The following XYLT1 variants were observed in gnomAD, a reference collection of about 807,000 sequenced individuals.
XYLT1 encodes beta-D-xylosyltransferase 1.
Under a neutral mutation model 91.3 loss-of-function variants are expected in XYLT1, and 36 were observed. The ratio of observed to expected loss-of-function variants is 0.39; its 90% CI spans 0.30 to 0.52. The LOEUF is 0.52. Among genes scored for constraint, XYLT1 ranks in the 20% least tolerant of loss-of-function variants. The pLI is 0.68. For missense variants in XYLT1, 1,242 were observed against 1,284.5 expected, an observed-to-expected ratio of 0.97 and a Z score of 0.51; for synonymous variants, 588 against 532.0, an observed-to-expected ratio of 1.11 and a Z score of -1.45.
At chr16:17,408,587 G>T (rs1005376764) in intron 1 of XYLT1, among the ~76,000 whole-genome samples, 2 of 152,172 alleles carry the variant, frequency 1.3e-5, no homozygotes, top group Non-Finnish European at 2.9e-5. Flanking sequence ...GGCTTAGGCC[G>T]ATAATCCCAG....
intron 3 of XYLT1, among the ~76,000 whole-genome samples, chr16:17,226,286 A>AG (rs2033065103): frequency 5.3e-5 from 8 of 152,214 alleles, no homozygotes; most frequent in Admixed American, 3.9e-4. Flanking sequence ...TTACAGAGCC[A>AG]CATACCGTAG....
intron 8 of XYLT1, among the ~76,000 whole-genome samples, chr16:17,138,035 G>C (rs952420211): frequency 5.0e-5 from 6 of 120,108 alleles, no homozygotes; most frequent in Admixed American, 4.0e-4. Flanking sequence ...AGGGAATAAA[G>C]AGAAGATGAT....
intron 1 of XYLT1, among the ~76,000 whole-genome samples, chr16:17,418,448 T>C (rs2036207463): frequency 6.6e-6 from 1 of 152,172 alleles, no homozygotes; most frequent in Non-Finnish European, 1.5e-5. Flanking sequence ...TCATATTTGA[T>C]GCAGGTTTGG....
chr16:17,279,735 G>A (rs1482387155), intron 2 of XYLT1, among the ~76,000 whole-genome samples: 1 of 152,138 alleles, frequency 6.6e-6, no homozygotes, highest in Non-Finnish European at 1.5e-5. Context: ...AGAAGACCAC[G>A]AGAGTCAGGC....
Position 17,330,616 on chromosome 16 carries a change from G to A in XYLT1, c.402+27396C>T, listed in dbSNP as rs149875426. On this transcript the variant is annotated intron_variant, in intron 2 of 11. Transcript: ENST00000261381. ...AGCCTGGCCAACAGGGCAAAACCCC[G>A]TCTCTACTAAAAATAAAAAAAAAAA... 9.9e-3 allele frequency among the ~76,000 whole-genome samples: 1,485 copies of A among 150,012 alleles called. 26 individuals are homozygous for A. The highest frequency in any genetic ancestry group is 0.035 in the African/African-American group (1,411 of 40,062).
chr16:17,138,647 A>C, intron 7 of XYLT1, 116 bp from the exon 8 acceptor site: 1 of 1,267,366 alleles, frequency 7.9e-7, no homozygotes. Flanking sequence ...TGTTTAAAAG[A>C]ATGTGGCATC....
intron 2 of XYLT1, among the ~76,000 whole-genome samples, chr16:17,282,138 G>A (rs2034067194): frequency 6.6e-6 from 1 of 152,188 alleles, no homozygotes; most frequent in African/African-American, 2.4e-5. Flanking sequence ...TAAGCACCCT[G>A]CATGGTCTAG....
chr16:17,210,383 C>A (rs773143223), intron 3 of XYLT1, among the ~76,000 whole-genome samples: 12 of 152,104 alleles, frequency 7.9e-5, no homozygotes, highest in Non-Finnish European at 1.2e-4. Flanking sequence ...TTGAGACCAG[C>A]CTGACCAATA....
intron 1 of XYLT1, among the ~76,000 whole-genome samples, chr16:17,377,951 A>C (rs2035624054): frequency 1.3e-5 from 2 of 152,334 alleles, no homozygotes; most frequent in Middle Eastern, 3.4e-3. Flanking sequence ...TACAAAGGGA[A>C]GAACTGAGGC....
rs149141341 is a variant in XYLT1, at chr16:17,151,655, G to C, written c.1370+7174C>G. ...CCAGTTATTATTGCTGCCCTGTGTG[G>C]AGAAAGCTGACTTAGGTTTGACATT... On this transcript the variant is annotated intron_variant, in intron 6 of 11. Coordinates refer to ENST00000261381, the MANE Select transcript of XYLT1 (RefSeq NM_022166.4). Among the ~76,000 whole-genome samples, 19 of 152,280 alleles carry C rather than the reference G, an allele frequency of 1.2e-4. No homozygotes were observed. The East Asian group carries it at 3.7e-3, about 29-fold the overall frequency.
At chr16:17,285,932 G>A (rs1168066770) in intron 2 of XYLT1, among the ~76,000 whole-genome samples, 1 of 67,616 alleles carries the variant, frequency 1.5e-5, no homozygotes, top group Non-Finnish European at 3.0e-5. Flanking sequence ...ATGTGTGTGT[G>A]AGTGAGTGAG....
At chr16:17,343,499 C>G (rs2141849018) in intron 2 of XYLT1, among the ~76,000 whole-genome samples, 1 of 152,300 alleles carries the variant, frequency 6.6e-6, no homozygotes, top group East Asian at 1.9e-4. Flanking sequence ...GAGACAGGAT[C>G]TCGCTCTATC....
At chr16:17,125,687 A>G (rs186053225) in intron 10 of XYLT1, among the ~76,000 whole-genome samples, 1 of 152,254 alleles carries the variant, frequency 6.6e-6, no homozygotes, top group East Asian at 1.9e-4. Flanking sequence ...CTGAGTCCCC[A>G]GCAATCACAT....
chr16:17,147,904 A>G (rs1427387899), intron 6 of XYLT1, among the ~76,000 whole-genome samples: 1 of 152,206 alleles, frequency 6.6e-6, no homozygotes, highest in African/African-American at 2.4e-5. Flanking sequence ...CGTGAAGCAC[A>G]GATCTGTAGC....
intron 3 of XYLT1, among the ~76,000 whole-genome samples, chr16:17,239,334 C>A (rs2033301806): frequency 7.1e-6 from 1 of 141,684 alleles, no homozygotes; most frequent in African/African-American, 2.6e-5. Flanking sequence ...ATCCATCCAT[C>A]ATCCATCCAT....
chr16:17,187,817 G>A (rs529113454), intron 5 of XYLT1, among the ~76,000 whole-genome samples: 40 of 151,994 alleles, frequency 2.6e-4, no homozygotes, highest in African/African-American at 8.7e-4. Flanking sequence ...AAGACAAAGA[G>A]GGGTCTCCAC....
At chr16:17,141,795 A>AAAT (rs1411730441) in intron 6 of XYLT1, among the ~76,000 whole-genome samples, 6 of 152,224 alleles carry the variant, frequency 3.9e-5, no homozygotes, top group African/African-American at 1.4e-4. Context: ...GCATACAACA[A>AAAT]AATATACAGG....
intron 10 of XYLT1, among the ~76,000 whole-genome samples, 182 bp from the exon 11 acceptor site, chr16:17,118,161 A>T (rs1324715324): frequency 6.6e-6 from 1 of 152,128 alleles, no homozygotes; most frequent in African/African-American, 2.4e-5. Flanking sequence ...TGGCATCTGG[A>T]CTCAGTCTGA....
rs1181699156 is a variant in XYLT1, at chr16:17,454,913, GCCC to G, written c.363+15518_363+15520del. ...AATATCATTCTTTCCTCCCCCCCCC[GCCC>G]CCCCCCGCAACTATTTAAAAACATA... On this transcript the variant is annotated intron_variant, in intron 1 of 11. Coordinates refer to ENST00000261381, the MANE Select transcript of XYLT1 (RefSeq NM_022166.4). 4.0e-3 allele frequency among the ~76,000 whole-genome samples: 120 copies of G among 30,134 alleles called. 7 individuals are homozygous for G. Among genetic ancestry groups the G allele is most frequent in the African/African-American group, 0.021 (112 of 5,358 alleles). 19.8% of individuals were successfully genotyped at this position (30,134 alleles called of 152,430 possible).
Sources: allele counts gnomAD v4.1 joint callset (sites outside exome capture counted in the v4.1 genomes callset), GRCh38; gene constraint gnomAD v4.1.1; transcripts MANE v1.5; gene names NCBI Gene and HGNC (gene_info 2026-07-23, HGNC 2026-07-21).